Variants in DCBLD2 observed in about 807,000 individuals in gnomAD.
The protein encoded by DCBLD2 is discoidin, CUB and LCCL domain-containing protein 2.
DCBLD2 carries 54 observed loss-of-function variants against 86.8 expected under a neutral mutation model. The ratio of observed to expected loss-of-function variants is 0.62; its 90% confidence interval spans 0.50 to 0.78. The LOEUF (loss-of-function observed/expected upper bound fraction) is 0.78. Among genes scored for constraint, DCBLD2 ranks in the 30% least tolerant of loss-of-function variants. The pLI is 0.00. For missense variants in DCBLD2, 908 were observed against 954.2 expected, an observed-to-expected ratio of 0.95 and a Z score of 0.64; for synonymous variants, 354 against 341.3, an observed-to-expected ratio of 1.04 and a Z score of -0.41.
At chr3:98,870,810 A>AAGGAAGG (rs1943268144) in intron 2 of DCBLD2, among the ~76,000 whole-genome samples, 2 of 131,690 alleles carry the variant, frequency 1.5e-5, no homozygotes, top group African/African-American at 5.8e-5. Context: ...AGAAAGAAAG[A>AAGGAAGG]AAGGTAGGCA....
chr3:98,826,590 TAG>T (rs1225882476), intron 3 of DCBLD2, among the ~76,000 whole-genome samples: 5 of 152,246 alleles, frequency 3.3e-5, no homozygotes, highest in African/African-American at 4.8e-5. Flanking sequence ...GGTGTAATTA[TAG>T]AGTTATAAGC....
At chr3:98,811,130 T>C in intron 12 of DCBLD2, 64 bp downstream of exon 12, 1 of 1,447,590 alleles carries the variant, frequency 6.9e-7, no homozygotes. Flanking sequence ...AAAATGCCCG[T>C]GAAAACTTCA....
chr3:98,823,408 A>C (rs1020457553), intron 4 of DCBLD2, among the ~76,000 whole-genome samples: 4 of 152,178 alleles, frequency 2.6e-5, no homozygotes, highest in Non-Finnish European at 4.4e-5. Flanking sequence ...CCCTCTATTG[A>C]TCCAATTTAA....
intron 2 of DCBLD2, among the ~76,000 whole-genome samples, chr3:98,878,516 T>A (rs1186246517): frequency 6.6e-6 from 1 of 152,210 alleles, no homozygotes; most frequent in Non-Finnish European, 1.5e-5. Context: ...AAAGATTCAG[T>A]GACATTATCC....
intron 3 of DCBLD2, among the ~76,000 whole-genome samples, chr3:98,846,640 A>C (rs765028872): frequency 1.3e-5 from 2 of 152,200 alleles, no homozygotes; most frequent in Non-Finnish European, 2.9e-5. Flanking sequence ...ATGACTTTGG[A>C]AAGTTTTAGT....
chr3:98,805,116 C>A (rs1866677), intron 13 of DCBLD2: 52,752 of 152,008 alleles, frequency 0.35, 9,301 homozygotes, highest in Non-Finnish European at 0.38. Flanking sequence ...AAGCCCAAGC[C>A]ATGTGCTTTT....
chr3:98,845,646 C>T (rs1025560000), intron 3 of DCBLD2, among the ~76,000 whole-genome samples: 4 of 152,222 alleles, frequency 2.6e-5, no homozygotes, highest in African/African-American at 9.7e-5. Context: ...CTGTTCTTAA[C>T]ATCTTCCTTA....
At chr3:98,808,202 A>C in intron 12 of DCBLD2, 28 bp from the exon 13 acceptor site, 1 of 1,562,470 alleles carries the variant, frequency 6.4e-7, no homozygotes, top group Non-Finnish European at 8.6e-7. Context: ...AAAACAGACA[A>C]ACAAAAGCCA....
chr3:98,892,490 AAC>A (rs1943680307), intron 1 of DCBLD2, among the ~76,000 whole-genome samples: 1 of 152,074 alleles, frequency 6.6e-6, no homozygotes, highest in African/African-American at 2.4e-5. Context: ...TGTGAGGGCC[AAC>A]TCACCCTTTC....
intron 13 of DCBLD2, among the ~76,000 whole-genome samples, chr3:98,802,558 A>G (rs964673979): frequency 2.0e-5 from 3 of 152,124 alleles, no homozygotes; most frequent in African/African-American, 7.2e-5. Flanking sequence ...GTTTAGTTTA[A>G]TTAGATCCCA....
At chr3:98,888,455 GA>G (rs1398644628) in intron 1 of DCBLD2, among the ~76,000 whole-genome samples, 1 of 151,970 alleles carries the variant, frequency 6.6e-6, no homozygotes, top group Non-Finnish European at 1.5e-5. Context: ...CTATGACCTT[GA>G]AAAGGTTACT....
In DCBLD2 at chr3:98,806,031, T is replaced by C. The variant is rs576733298; in HGVS notation, c.1670+2050A>G. On this transcript the variant is annotated intron_variant, in intron 13 of 15. Coordinates refer to ENST00000326840, the MANE Select transcript of DCBLD2 (RefSeq NM_080927.4). Reference sequence around the variant, plus strand: ...ATTTGCCCATAACTAGGCAAGTTATTTATGTTGTGTCTCATTTTCTCCTTC... The same window carrying C: ...ATTTGCCCATAACTAGGCAAGTTATCTATGTTGTGTCTCATTTTCTCCTTC... Among the ~76,000 whole-genome samples the C allele has an allele frequency of 4.6e-5, 7 of 152,282 alleles. No individual in the cohort carries two copies. The South Asian group carries it at 1.2e-3, about 27-fold the overall frequency.
intron 2 of DCBLD2, among the ~76,000 whole-genome samples, chr3:98,852,599 T>C (rs1463064350): frequency 6.6e-6 from 1 of 152,208 alleles, no homozygotes; most frequent in South Asian, 2.1e-4. Flanking sequence ...TTAACTTCTT[T>C]TATGTTACAT....
At chr3:98,877,748 G>C (rs1174919724) in intron 2 of DCBLD2, among the ~76,000 whole-genome samples, 1 of 152,094 alleles carries the variant, frequency 6.6e-6, no homozygotes, top group Non-Finnish European at 1.5e-5. Context: ...CTGAAGAAAT[G>C]GCTGATTCCA....
intron 3 of DCBLD2, among the ~76,000 whole-genome samples, chr3:98,844,878 T>C (rs1240626096): frequency 2.0e-5 from 3 of 152,220 alleles, no homozygotes; most frequent in African/African-American, 7.2e-5. Flanking sequence ...GAAAACTGAT[T>C]AACAGTATTT....
At chr3:98,824,550 G>A (rs571375630) in intron 4 of DCBLD2, among the ~76,000 whole-genome samples, 4 of 152,142 alleles carry the variant, frequency 2.6e-5, no homozygotes, top group East Asian at 1.9e-4. Context: ...TAGTAAGTTC[G>A]GAAAAGTTAG....
intron 13 of DCBLD2, among the ~76,000 whole-genome samples, chr3:98,807,683 C>T (rs1168821127): frequency 3.3e-5 from 5 of 152,164 alleles, no homozygotes; most frequent in Admixed American, 3.3e-4. Context: ...TGAGGAGTCC[C>T]CTTTCCCGAA....
chr3:98,840,406 A>G (rs1173324097), intron 3 of DCBLD2, among the ~76,000 whole-genome samples: 2 of 152,248 alleles, frequency 1.3e-5, no homozygotes, highest in Non-Finnish European at 2.9e-5. Context: ...TGCTTAGATT[A>G]TAATAAATAC....
chr3:98,860,524 T>C (rs550182338), intron 2 of DCBLD2, among the ~76,000 whole-genome samples: 2 of 152,316 alleles, frequency 1.3e-5, no homozygotes, highest in Non-Finnish European at 2.9e-5. Flanking sequence ...ACAGCAGATC[T>C]TTCAGGAGAA....
Sources: allele counts gnomAD v4.1 joint callset (sites outside exome capture counted in the v4.1 genomes callset), GRCh38; gene constraint gnomAD v4.1.1; transcripts MANE v1.5; gene names NCBI Gene and HGNC (gene_info 2026-07-23, HGNC 2026-07-21).